Variants in CNBD1 observed in about 807,000 individuals in gnomAD.
CNBD1 encodes cyclic nucleotide binding domain containing 1.
In CNBD1, 71 loss-of-function variants were observed where a neutral mutation model predicts 54.4. The ratio of observed to expected loss-of-function variants is 1.30; its 90% CI spans 1.08 to 1.59. The LOEUF (loss-of-function observed/expected upper bound fraction) is 1.59, where lower values mean the gene tolerates loss of function less well. CNBD1 is among the 40% of genes most tolerant of loss of function. CNBD1 has a pLI of 0.00. For synonymous variants in CNBD1, 182 were observed against 170.7 expected (o/e 1.07, Z -0.51); for missense variants, 659 against 518.0 (o/e 1.27, Z -2.64).
intron 2 of CNBD1, among the ~76,000 whole-genome samples, chr8:87,421,368 C>T (rs1306707205): frequency 1.3e-5 from 2 of 151,162 alleles, no homozygotes; most frequent in South Asian, 2.1e-4. Flanking sequence ...TGGTGTGCTG[C>T]ACCCACTAAC....
intron 4 of CNBD1, among the ~76,000 whole-genome samples, chr8:87,116,928 A>G (rs1360857608): frequency 6.6e-6 from 1 of 152,080 alleles, no homozygotes; most frequent in Non-Finnish European, 1.5e-5. Flanking sequence ...GTCTATTATT[A>G]TATTTCTTAT....
intron 4 of CNBD1, among the ~76,000 whole-genome samples, chr8:87,004,637 A>C (rs1809059126): frequency 6.6e-6 from 1 of 152,132 alleles, no homozygotes. Flanking sequence ...AATACTGAGA[A>C]TCAATCCATA....
At chr8:86,920,253 A>C (rs1464695347) in intron 3 of CNBD1, among the ~76,000 whole-genome samples, 2 of 152,220 alleles carry the variant, frequency 1.3e-5, no homozygotes, top group Non-Finnish European at 2.9e-5. Context: ...ATTTTAATTT[A>C]GGATCTTTTA....
At chr8:86,899,012 C>T (rs1171919420) in intron 2 of CNBD1, among the ~76,000 whole-genome samples, 2 of 152,096 alleles carry the variant, frequency 1.3e-5, no homozygotes, top group African/African-American at 4.8e-5. Flanking sequence ...AGAATGAGAT[C>T]TTGCCATTTG....
intron 2 of CNBD1, among the ~76,000 whole-genome samples, chr8:86,898,187 C>T (rs1158703048): frequency 6.6e-6 from 1 of 151,982 alleles, no homozygotes; most frequent in Non-Finnish European, 1.5e-5. Context: ...TAAATATCTA[C>T]TGGTTCACTG....
intron 6 of CNBD1, among the ~76,000 whole-genome samples, chr8:87,273,433 A>G (rs1234938972): frequency 6.6e-6 from 1 of 151,996 alleles, no homozygotes; most frequent in Non-Finnish European, 1.5e-5. Context: ...GTTCCAGTCA[A>G]TGCTGAAGGT....
chr8:86,902,437 G>T (rs1052091724), intron 2 of CNBD1, among the ~76,000 whole-genome samples: 1 of 152,046 alleles, frequency 6.6e-6, no homozygotes, highest in Non-Finnish European at 1.5e-5. Context: ...TGAGAAAAAT[G>T]GTCTTAAGGG....
intron 4 of CNBD1, among the ~76,000 whole-genome samples, chr8:86,990,710 T>C (rs935660635): frequency 6.6e-6 from 1 of 152,188 alleles, no homozygotes; most frequent in Non-Finnish European, 1.5e-5. Context: ...TCTGATTGCT[T>C]TTTCTATTTT....
intron 5 of CNBD1, among the ~76,000 whole-genome samples, chr8:87,215,930 C>G (rs1237085530): frequency 6.6e-6 from 1 of 152,160 alleles, no homozygotes; most frequent in Non-Finnish European, 1.5e-5. Flanking sequence ...AGCCTGTTCT[C>G]TATTTCTATG....
At chr8:87,355,541 G>A (rs1022697952) in intron 10 of CNBD1, among the ~76,000 whole-genome samples, 3 of 152,020 alleles carry the variant, frequency 2.0e-5, no homozygotes, top group African/African-American at 7.2e-5. Context: ...ACTCAAATTG[G>A]AAATACAATT....
chr8:87,277,154 G>A (rs980752473), intron 6 of CNBD1, among the ~76,000 whole-genome samples: 2 of 151,442 alleles, frequency 1.3e-5, no homozygotes, highest in Non-Finnish European at 3.0e-5. Context: ...ATGGAGGCTG[G>A]CAAGTCCAAA....
At chr8:87,413,127 G>A (rs1178240168) in intron 2 of CNBD1, among the ~76,000 whole-genome samples, 1 of 152,004 alleles carries the variant, frequency 6.6e-6, no homozygotes, top group Non-Finnish European at 1.5e-5. Context: ...GACCATGTGA[G>A]GAGATATGCG....
At chr8:87,014,095 A>G (rs76985175) in intron 4 of CNBD1, among the ~76,000 whole-genome samples, 1 of 152,172 alleles carries the variant, frequency 6.6e-6, no homozygotes, top group Non-Finnish European at 1.5e-5. Context: ...AAATATATGA[A>G]GAGCTCTAAT....
intron 1 of CNBD1, among the ~76,000 whole-genome samples, chr8:86,887,085 G>A (rs539048236): frequency 6.6e-6 from 1 of 152,276 alleles, no homozygotes; most frequent in East Asian, 1.9e-4. Flanking sequence ...GGGAACAAAA[G>A]ATGGGGACCT....
chr8:86,913,573 A>G (rs1024962872), intron 3 of CNBD1, among the ~76,000 whole-genome samples: 4 of 152,142 alleles, frequency 2.6e-5, no homozygotes, highest in African/African-American at 9.7e-5. Context: ...TGAGCCATAA[A>G]ACAAGCAAGT....
intron 4 of CNBD1, among the ~76,000 whole-genome samples, chr8:87,109,869 G>A (rs1321480302): frequency 2.0e-5 from 3 of 152,020 alleles, no homozygotes; most frequent in Non-Finnish European, 4.4e-5. Context: ...AGAATCCTGA[G>A]CTACATAGGC....
chr8:87,255,318 ACT>A (rs2130843038), intron 6 of CNBD1, among the ~76,000 whole-genome samples: 1 of 152,122 alleles, frequency 6.6e-6, no homozygotes, highest in Admixed American at 6.6e-5. Flanking sequence ...CAGTAAATAA[ACT>A]CTCTGCATGT....
intron 4 of CNBD1, among the ~76,000 whole-genome samples, chr8:86,985,463 TTA>T (rs1373050390): frequency 1.3e-5 from 2 of 152,192 alleles, no homozygotes; most frequent in Non-Finnish European, 1.5e-5. Context: ...TAGTTTCCAT[TTA>T]TAAGTGAGAA....
intron 8 of CNBD1, among the ~76,000 whole-genome samples, chr8:87,288,513 G>A (rs1467206740): frequency 6.6e-6 from 1 of 151,994 alleles, no homozygotes; most frequent in Non-Finnish European, 1.5e-5. Context: ...AATTTGGAAA[G>A]GGGAGAATGA....
Sources: gnomAD v4.1 joint callset for allele counts (sites outside exome capture counted in the v4.1 genomes callset) on GRCh38, gnomAD v4.1.1 for gene constraint, MANE v1.5 for transcripts, NCBI Gene and HGNC (gene_info 2026-07-23, HGNC 2026-07-21) for gene names.